ZBTB7C: variants seen among roughly 807,000 people sequenced by gnomAD.
ZBTB7C encodes zinc finger and BTB domain containing 7C.
Under a neutral mutation model 25.7 loss-of-function variants are expected in ZBTB7C, and 8 were observed. The observed-to-expected ratio is 0.31, with a 90% confidence interval of 0.18 to 0.56. ZBTB7C has a LOEUF of 0.56. ZBTB7C is among the 20% of genes least tolerant of loss of function. The probability of loss-of-function intolerance (pLI) is 0.91; values close to 1 mark genes in which losing one functional copy is unlikely to be tolerated. For missense variants in ZBTB7C, 824 were observed against 855.2 expected (o/e 0.96, Z 0.46); for synonymous variants, 394 against 369.0 (o/e 1.07, Z -0.78).
At chr18:48,303,050 C>T (rs1451234923) in intron 2 of ZBTB7C, among the ~76,000 whole-genome samples, 1 of 152,236 alleles carries the variant, frequency 6.6e-6, no homozygotes, top group Non-Finnish European at 1.5e-5. Flanking sequence ...TCCCCTCCCT[C>T]GCTTCCCTAT....
At chr18:48,222,390 A>G (rs1045085802) in intron 2 of ZBTB7C, among the ~76,000 whole-genome samples, 7 of 152,218 alleles carry the variant, frequency 4.6e-5, no homozygotes, top group Admixed American at 1.3e-4. Flanking sequence ...CCCATTGAGC[A>G]ACTGTGGCCA....
At chr18:48,073,107 C>G (rs1399681806) in intron 3 of ZBTB7C, among the ~76,000 whole-genome samples, 1 of 152,216 alleles carries the variant, frequency 6.6e-6, no homozygotes, top group Non-Finnish European at 1.5e-5. Flanking sequence ...TGGTTTGGCT[C>G]AGAACTGGCC....
Position 48,223,121 on chromosome 18 carries a change from C to T in ZBTB7C, c.-78-37126G>A, listed in dbSNP as rs542331331. ...GTGATCCCAACACAGAGTTTCTCAG[C>T]GTCCTTAGGGAAGAGCTGGGGATGG... On this transcript the variant is annotated intron_variant, in intron 2 of 4. Coordinates refer to ENST00000590800, the MANE Select transcript of ZBTB7C (RefSeq NM_001318841.2). Among the ~76,000 whole-genome samples the T allele has an allele frequency of 2.0e-5, 3 of 152,286 alleles. No homozygotes were observed. In the East Asian group the frequency reaches 5.8e-4, roughly 29 times the overall value.
At chr18:48,073,135 T>C (rs1050282048) in intron 3 of ZBTB7C, among the ~76,000 whole-genome samples, 1 of 152,150 alleles carries the variant, frequency 6.6e-6, no homozygotes, top group African/African-American at 2.4e-5. Flanking sequence ...AGAGGAGACC[T>C]TGGGCAGCTG....
chr18:48,294,063 C>A lies in ZBTB7C; in HGVS notation c.-79+44111G>T, dbSNP rs930130046. Among the ~76,000 whole-genome samples, 3 of 152,226 alleles carry A rather than the reference C, an allele frequency of 2.0e-5. No individual in the cohort carries two copies. In the East Asian group the frequency reaches 5.8e-4, roughly 29 times the overall value. On this transcript the variant is annotated intron_variant, in intron 2 of 4. Coordinates refer to ENST00000590800, the MANE Select transcript of ZBTB7C (RefSeq NM_001318841.2). ...ACCGTGGGAGTCATTAGCACGAATG[C>A]GGTGTTTACCTCCCTGGGGAAGGGC...
chr18:48,163,626 G>A (rs2041146249), intron 3 of ZBTB7C, among the ~76,000 whole-genome samples: 2 of 152,226 alleles, frequency 1.3e-5, no homozygotes, highest in Admixed American at 1.3e-4. Context: ...TACAGACAAA[G>A]AAAGCCCAGA....
intron 2 of ZBTB7C, among the ~76,000 whole-genome samples, chr18:48,274,963 G>C (rs1190625304): frequency 6.6e-6 from 1 of 152,176 alleles, no homozygotes; most frequent in Admixed American, 6.5e-5. Context: ...CTGGTCACAG[G>C]CTGCTAATCA....
intron 2 of ZBTB7C, among the ~76,000 whole-genome samples, chr18:48,191,802 A>C (rs1402419044): frequency 3.3e-5 from 5 of 152,164 alleles, no homozygotes; most frequent in Non-Finnish European, 7.3e-5. Context: ...GATCCTTCAG[A>C]GGCTATGTTT....
At chr18:48,278,656 C>T (rs757613367) in intron 2 of ZBTB7C, among the ~76,000 whole-genome samples, 1 of 152,136 alleles carries the variant, frequency 6.6e-6, no homozygotes, top group Non-Finnish European at 1.5e-5. Flanking sequence ...TCTCGAACTC[C>T]TGACCTCATG....
At chr18:48,134,378 T>C (rs1040565918) in intron 3 of ZBTB7C, among the ~76,000 whole-genome samples, 1 of 152,184 alleles carries the variant, frequency 6.6e-6, no homozygotes, top group African/African-American at 2.4e-5. Flanking sequence ...ACCATTCTAT[T>C]AGGACAGATA....
At position 48,101,571 on chromosome 18, in the gene ZBTB7C, A is replaced by G. The variant is rs1441315976; in HGVS notation, c.-16-60448T>C. Among the ~76,000 whole-genome samples the G allele has an allele frequency of 2.0e-5, 3 of 152,180 alleles. No individual in the cohort carries two copies. The East Asian group carries it at 5.8e-4, about 29-fold the overall frequency. ...TTTGATTTTCTAAGCAGCTGTTATA[A>G]AACACTCACACTGTGCCAGGCACTG... is the stretch of plus-strand genomic sequence containing the variant. On this transcript the variant is annotated intron_variant, in intron 3 of 4. Transcript: ENST00000590800.
intron 2 of ZBTB7C, among the ~76,000 whole-genome samples, chr18:48,187,392 C>T (rs776453028): frequency 6.6e-6 from 1 of 152,128 alleles, no homozygotes; most frequent in Non-Finnish European, 1.5e-5. Flanking sequence ...GAAGGAAATT[C>T]GGATACAGGC....
chr18:48,049,461 C>T (rs2036599293), intron 3 of ZBTB7C, among the ~76,000 whole-genome samples: 1 of 152,124 alleles, frequency 6.6e-6, no homozygotes, highest in East Asian at 1.9e-4. Context: ...CTGCATTACT[C>T]CCAGGATGCC....
At chr18:48,252,188 G>T (rs539185320) in intron 2 of ZBTB7C, 1 of 152,172 alleles carries the variant, frequency 6.6e-6, no homozygotes, top group Non-Finnish European at 1.5e-5. Flanking sequence ...GGGAGACTGC[G>T]TTACAAAGCA....
intron 2 of ZBTB7C, chr18:48,252,108 T>C (rs1301612345): frequency 6.6e-6 from 1 of 152,202 alleles, no homozygotes; most frequent in African/African-American, 2.4e-5. Flanking sequence ...AGAGAATAAA[T>C]TAATGAAAGA....
rs1026438099 is a variant in ZBTB7C, at chr18:48,371,490, G to A, written c.-303-33092C>T. On this transcript the variant is annotated intron_variant, in intron 1 of 4. Coordinates refer to ENST00000590800, the MANE Select transcript of ZBTB7C (RefSeq NM_001318841.2). ...AGACAATTAGCAGCAAAATTTAAAC[G>A]AGAGCTCAAGTCTCCTCCTCCTGGC... 3.9e-5 allele frequency among the ~76,000 whole-genome samples: 6 copies of A among 152,310 alleles called. No individual in the cohort carries two copies. The East Asian group carries it at 7.7e-4, about 20-fold the overall frequency.
intron 1 of ZBTB7C, among the ~76,000 whole-genome samples, chr18:48,343,963 G>C (rs1037740124): frequency 1.3e-5 from 2 of 152,102 alleles, no homozygotes; most frequent in African/African-American, 4.8e-5. Context: ...GAGCCATGGG[G>C]ATGTGTGTTT....
intron 2 of ZBTB7C, among the ~76,000 whole-genome samples, chr18:48,243,305 T>C (rs778135747): frequency 7.1e-5 from 10 of 141,396 alleles, no homozygotes; most frequent in Admixed American, 6.3e-4. Flanking sequence ...CTAGCTCTGA[T>C]AAATGATTTC....
At chr18:48,327,510 T>C (rs1449980135) in intron 2 of ZBTB7C, among the ~76,000 whole-genome samples, 3 of 152,208 alleles carry the variant, frequency 2.0e-5, no homozygotes, top group Non-Finnish European at 2.9e-5. Context: ...ATGAGCACAC[T>C]TGATCCACTG....
Sources: gnomAD v4.1 joint callset for allele counts (sites outside exome capture counted in the v4.1 genomes callset) on GRCh38, gnomAD v4.1.1 for gene constraint, MANE v1.5 for transcripts, NCBI Gene and HGNC (gene_info 2026-07-23, HGNC 2026-07-21) for gene names.